Variants in OSBPL1A observed in about 807,000 individuals in gnomAD.
The protein encoded by OSBPL1A is oxysterol-binding protein-related protein 1.
In OSBPL1A, 80 loss-of-function variants were observed where a neutral mutation model predicts 137.1. The observed-to-expected ratio is 0.58, with a 90% CI of 0.49 to 0.70. OSBPL1A has a LOEUF of 0.70. Among genes scored for constraint, OSBPL1A ranks in the 30% least tolerant of loss-of-function variants. The pLI is 0.00. For synonymous variants in OSBPL1A, 365 were observed against 389.7 expected, an observed-to-expected ratio of 0.94 and a Z score of 0.75; for missense variants, 970 against 1,129.4, an observed-to-expected ratio of 0.86 and a Z score of 2.02.
chr18:24,206,116 C>A (rs908024543), intron 17 of OSBPL1A, among the ~76,000 whole-genome samples: 12 of 152,218 alleles, frequency 7.9e-5, no homozygotes, highest in Non-Finnish European at 1.3e-4. Flanking sequence ...GTCTCGAACT[C>A]CTGACCTCAG....
rs544410946 is a variant in OSBPL1A at position 24,180,864 on chromosome 18, G to A, written c.1812+281C>T. ...TGCACTCCAGCCTGGGCGACAGAGC[G>A]AGACTCTGTCTCACACACACACAAA... On this transcript the variant is annotated intron_variant, in intron 19 of 27. Transcript: ENST00000319481. Among the ~76,000 whole-genome samples the A allele has an allele frequency of 1.7e-3, 251 of 151,504 alleles. 1 individual carries two copies. Among genetic ancestry groups the A allele is most frequent in the African/African-American group, 5.7e-3 (234 of 40,874 alleles).
At chr18:24,352,711 A>C (rs1400149522) in intron 4 of OSBPL1A, among the ~76,000 whole-genome samples, 2 of 152,232 alleles carry the variant, frequency 1.3e-5, no homozygotes, top group African/African-American at 4.8e-5. Context: ...CTGGTACCAA[A>C]ACAGAGATAT....
intron 15 of OSBPL1A, among the ~76,000 whole-genome samples, chr18:24,270,252 G>C (rs993438738): frequency 6.6e-6 from 1 of 152,190 alleles, no homozygotes; most frequent in Non-Finnish European, 1.5e-5. Flanking sequence ...ATGGAGCTTA[G>C]ATTATGATGT....
Position 24,317,163 on chromosome 18 carries a change from G to C in OSBPL1A, c.856C>G (p.Gln286Glu), listed in dbSNP as rs1480610802. The change falls in exon 11 of 28, where the codon CAA (glutamine) becomes GAA (glutamate). Residue 286 changes from glutamine to glutamate, a missense_variant. By Grantham distance (29) the Gln-to-Glu change is conservative. Coordinates refer to ENST00000319481, the MANE Select transcript of OSBPL1A (RefSeq NM_080597.4). ...TTTCATCCTACCGTGCATACTGCTTGAGTCAGGTGTTTGCATCCCTGGCGA... is the reference window on the plus strand; with the variant it reads ...TTTCATCCTACCGTGCATACTGCTTCAGTCAGGTGTTTGCATCCCTGGCGA... ...IYRQGCKHLTQAVCTVKSTDS... is the reference protein window; with the variant it reads ...IYRQGCKHLTEAVCTVKSTDS... 2.5e-6 allele frequency: 4 copies of C among 1,613,698 alleles called. No homozygotes were observed.
chr18:24,267,442 C>G (rs928703915), intron 15 of OSBPL1A, among the ~76,000 whole-genome samples: 2 of 152,028 alleles, frequency 1.3e-5, no homozygotes, highest in Non-Finnish European at 2.9e-5. Context: ...TCAGTATAAC[C>G]TTGATATTAA....
At chr18:24,362,441 G>A (rs1487928007) in intron 4 of OSBPL1A, among the ~76,000 whole-genome samples, 3 of 151,998 alleles carry the variant, frequency 2.0e-5, no homozygotes, top group African/African-American at 7.2e-5. Context: ...AGACAAGAGT[G>A]GTATAAAATG....
intron 16 of OSBPL1A, among the ~76,000 whole-genome samples, chr18:24,226,483 C>A (rs2088080278): frequency 6.6e-6 from 1 of 152,216 alleles, no homozygotes; most frequent in Non-Finnish European, 1.5e-5. Context: ...AAGCCATTCC[C>A]TCATCCTCAG....
At chr18:24,185,701 T>G (rs2086730255) in intron 18 of OSBPL1A, among the ~76,000 whole-genome samples, 1 of 151,808 alleles carries the variant, frequency 6.6e-6, no homozygotes, top group African/African-American at 2.4e-5. Flanking sequence ...GGCCAGGGAG[T>G]GTGTGGGAAC....
chr18:24,226,881 A>C (rs1375152235), intron 16 of OSBPL1A, among the ~76,000 whole-genome samples: 2 of 142,918 alleles, frequency 1.4e-5, no homozygotes, highest in South Asian at 2.2e-4. Flanking sequence ...CATAACAAAG[A>C]AACAGATTTT....
At chr18:24,173,335 T>A (rs1306049685) in intron 21 of OSBPL1A, among the ~76,000 whole-genome samples, 1 of 152,194 alleles carries the variant, frequency 6.6e-6, no homozygotes, top group East Asian at 1.9e-4. Flanking sequence ...CAAACCCGCA[T>A]GACAACAGTT....
At chr18:24,386,884 G>A (rs1906992186) in intron 1 of OSBPL1A, among the ~76,000 whole-genome samples, 1 of 152,204 alleles carries the variant, frequency 6.6e-6, no homozygotes, top group Admixed American at 6.5e-5. Flanking sequence ...TTAAGCCAGG[G>A]AGGTCAAAGC....
chr18:24,391,749 GACA>G (rs1400646984), intron 1 of OSBPL1A, among the ~76,000 whole-genome samples: 4 of 151,718 alleles, frequency 2.6e-5, no homozygotes, highest in African/African-American at 9.7e-5. Flanking sequence ...ACAAACAAAC[GACA>G]ACAACAAAAA....
At chr18:24,188,850 T>C (rs1421803058) in intron 18 of OSBPL1A, among the ~76,000 whole-genome samples, 2 of 152,216 alleles carry the variant, frequency 1.3e-5, no homozygotes, top group Admixed American at 1.3e-4. Context: ...CTCTTAGACC[T>C]CTTGAAAATT....
At chr18:24,295,677 A>G (rs2851975) in intron 14 of OSBPL1A, among the ~76,000 whole-genome samples, 1 of 152,268 alleles carries the variant, frequency 6.6e-6, no homozygotes, top group African/African-American at 2.4e-5. Context: ...TATTTTGGGG[A>G]AAAGCTATAT....
In OSBPL1A at chr18:24,289,063, G is replaced by T. The variant is rs552194559; in HGVS notation, c.1175-8115C>A. Reference sequence around the variant, plus strand: ...CCAAAGTTTGGTCTTGGGAAATTGAGTGAATTGATGATGTATTTTTAGGGA... The same window carrying T: ...CCAAAGTTTGGTCTTGGGAAATTGATTGAATTGATGATGTATTTTTAGGGA... On this transcript the variant is annotated intron_variant, in intron 14 of 27. Coordinates refer to ENST00000319481, the MANE Select transcript of OSBPL1A (RefSeq NM_080597.4). 5.9e-5 allele frequency among the ~76,000 whole-genome samples: 9 copies of T among 152,178 alleles called. No homozygotes were observed. In the South Asian group the frequency reaches 1.9e-3, roughly 32 times the overall value.
chr18:24,323,818 C>T lies in OSBPL1A; in HGVS notation c.626-5009G>A, dbSNP rs1285265826. Among the ~76,000 whole-genome samples, 2 of 33,272 alleles carry T rather than the reference C, an allele frequency of 6.0e-5. 1 individual carries two copies. Among genetic ancestry groups the T allele is most frequent in the Non-Finnish European group, 1.1e-4 (2 of 17,726 alleles). The allele number at this position is 33,272 out of a possible 152,430, so 21.8% of individuals were successfully genotyped here. A position where few individuals can be genotyped will look rare whatever the true frequency, so the allele number is the denominator to read the frequency against. ...TGCGGTGTTTGGTTTTTTGTTCTTGCGATAGTTTACTGAGAATGATGGTTT... is the reference window on the plus strand; with the variant it reads ...TGCGGTGTTTGGTTTTTTGTTCTTGTGATAGTTTACTGAGAATGATGGTTT... On this transcript the variant is annotated intron_variant, in intron 7 of 27. Coordinates refer to ENST00000319481, the MANE Select transcript of OSBPL1A (RefSeq NM_080597.4).
At chr18:24,179,435 TAA>T (rs77220931) in intron 20 of OSBPL1A, 126 of 273,674 alleles carry the variant, frequency 4.6e-4, no homozygotes, top group Middle Eastern at 1.2e-3. Flanking sequence ...AAACTTAAAG[TAA>T]AAAAAAAAAA....
rs923592050 is a variant in OSBPL1A at position 24,291,381 on chromosome 18, G to A, written c.1175-10433C>T. 1.1e-4 allele frequency among the ~76,000 whole-genome samples: 17 copies of A among 152,076 alleles called. 1 individual carries two copies. The highest frequency in any genetic ancestry group is 5.9e-4 in the Admixed American group (9 of 15,252). On this transcript the variant is annotated intron_variant, in intron 14 of 27. Coordinates refer to ENST00000319481, the MANE Select transcript of OSBPL1A (RefSeq NM_080597.4). ...ATACAGTCACTAAGATTAGAAAGTA[G>A]AAAGTCAAAAGATTAAGCAGAAAAA...
At chr18:24,209,567 T>C (rs1394931457) in intron 17 of OSBPL1A, among the ~76,000 whole-genome samples, 1 of 152,204 alleles carries the variant, frequency 6.6e-6, no homozygotes, top group Non-Finnish European at 1.5e-5. Flanking sequence ...GTCTGCAGAA[T>C]GGTATCTAGA....
Sources: allele counts gnomAD v4.1 joint callset (sites outside exome capture counted in the v4.1 genomes callset), GRCh38; gene constraint gnomAD v4.1.1; transcripts MANE v1.5; gene names NCBI Gene and HGNC (gene_info 2026-07-23, HGNC 2026-07-21).